MAGI2: variants seen among roughly 807,000 people sequenced by gnomAD.
MAGI2 encodes the protein membrane associated guanylate kinase, WW and PDZ domain containing 2.
In MAGI2, 35 loss-of-function variants were observed where a neutral mutation model predicts 133.3. The ratio of observed to expected loss-of-function variants is 0.26; its 90% CI spans 0.20 to 0.35. MAGI2 has a LOEUF of 0.35. MAGI2 is among the 10% of genes least tolerant of loss of function. MAGI2 has a pLI of 1.00. For missense variants in MAGI2, 1,636 were observed against 1,863.4 expected (o/e 0.88, Z 2.25); for synonymous variants, 729 against 710.6 (o/e 1.03, Z -0.41).
intron 13 of MAGI2, among the ~76,000 whole-genome samples, chr7:78,181,825 A>G (rs1023711143): frequency 1.3e-5 from 2 of 152,246 alleles, no homozygotes; most frequent in Non-Finnish European, 2.9e-5. Flanking sequence ...GCAGATTTCA[A>G]AAGTTGATTC....
Position 78,255,985 on chromosome 7 carries a change from A to G in MAGI2, c.2005T>C (p.Cys669Arg). Residue 669 changes from cysteine (C) to arginine (R), a missense_variant, in exon 10 of 22, where the codon TGT becomes CGT. By Grantham distance (180) the Cys-to-Arg change is radical (BLOSUM62 -3). Transcript: ENST00000354212. ...HTEVVDILKD[C>R]PIGSETSLII... ...AAAGAAGTTTCACTTCCAATGGGAC[A>G]GTCCTTAAGTATATCCACTACTTCT... 6.2e-7 allele frequency: 1 copy of G among 1,613,858 alleles called. No individual in the cohort carries two copies. The highest frequency in any genetic ancestry group is 8.5e-7 in the Non-Finnish European group (1 of 1,179,940).
At chr7:78,172,005 C>T (rs1440848130) in intron 14 of MAGI2, among the ~76,000 whole-genome samples, 1 of 152,146 alleles carries the variant, frequency 6.6e-6, no homozygotes, top group Non-Finnish European at 1.5e-5. Flanking sequence ...GTGGCCCTAT[C>T]TTTTCAATTG....
intron 1 of MAGI2, among the ~76,000 whole-genome samples, chr7:79,110,212 A>G (rs966809551): frequency 1.3e-5 from 2 of 152,060 alleles, no homozygotes; most frequent in African/African-American, 4.8e-5. Flanking sequence ...CCTCACAGAG[A>G]TATTCTACTA....
intron 6 of MAGI2, among the ~76,000 whole-genome samples, chr7:78,380,641 T>C (rs111423502): frequency 1.3e-5 from 2 of 152,006 alleles, no homozygotes; most frequent in African/African-American, 4.8e-5. Context: ...GGTACAAAAA[T>C]ATAGTTAGAT....
chr7:79,247,319 T>TA (rs1832896249), intron 1 of MAGI2, among the ~76,000 whole-genome samples: 1 of 152,052 alleles, frequency 6.6e-6, no homozygotes, highest in Non-Finnish European at 1.5e-5. Context: ...GATAAACTGA[T>TA]AAAAATAATA....
At chr7:78,579,074 GCCACAATCACATCCCATCTT>G (rs1802569616) in intron 3 of MAGI2, among the ~76,000 whole-genome samples, 1 of 152,112 alleles carries the variant, frequency 6.6e-6, no homozygotes, top group Non-Finnish European at 1.5e-5. Context: ...CTCAGGTACA[GCCACAATCACATCCCATCTT>G]CCTGCTAGAC....
At chr7:79,372,612 T>C (rs1441388037) in intron 1 of MAGI2, among the ~76,000 whole-genome samples, 1 of 152,098 alleles carries the variant, frequency 6.6e-6, no homozygotes, top group African/African-American at 2.4e-5. Context: ...TGAATAATTA[T>C]GGAAGGTGAT....
At chr7:79,451,721 T>C (rs948105088) in intron 1 of MAGI2, among the ~76,000 whole-genome samples, 1 of 152,214 alleles carries the variant, frequency 6.6e-6, no homozygotes, top group African/African-American at 2.4e-5. Context: ...TAGTTGATCA[T>C]GATTAAGCGG....
At chr7:78,167,129 C>T (rs917078965) in intron 15 of MAGI2, among the ~76,000 whole-genome samples, 1 of 152,106 alleles carries the variant, frequency 6.6e-6, no homozygotes, top group African/African-American at 2.4e-5. Context: ...CCCTGTGATT[C>T]ACAGAACAAA....
chr7:79,027,352 A>G (rs1384511214), intron 1 of MAGI2, among the ~76,000 whole-genome samples: 1 of 150,466 alleles, frequency 6.6e-6, no homozygotes, highest in African/African-American at 2.4e-5. Context: ...TATATATATT[A>G]AATACAATAC....
At chr7:78,596,180 A>G (rs1046819426) in intron 3 of MAGI2, among the ~76,000 whole-genome samples, 26 of 31,686 alleles carry the variant, frequency 8.2e-4, no homozygotes, top group East Asian at 2.7e-3. Flanking sequence ...GAAATGAAGG[A>G]AGGGAGGGAG....
chr7:79,446,876 C>A (rs189143354), intron 1 of MAGI2, among the ~76,000 whole-genome samples: 191 of 152,114 alleles, frequency 1.3e-3, no homozygotes, highest in Non-Finnish European at 2.4e-3. Flanking sequence ...GGCGTGAACC[C>A]GGGAGGCGGA....
chr7:78,618,689 TA>T (rs753727054), intron 3 of MAGI2: 20 of 152,004 alleles, frequency 1.3e-4, no homozygotes, highest in Non-Finnish European at 2.5e-4. Context: ...ATTCAGCCTT[TA>T]AAAAGCAGAA....
At chr7:78,700,113 C>T (rs551763554) in intron 2 of MAGI2, among the ~76,000 whole-genome samples, 6 of 152,174 alleles carry the variant, frequency 3.9e-5, no homozygotes, top group East Asian at 1.9e-4. Flanking sequence ...TTGTATGACC[C>T]GCCAAGCTAA....
intron 2 of MAGI2, among the ~76,000 whole-genome samples, chr7:78,788,763 T>G (rs1827040162): frequency 6.6e-6 from 1 of 152,238 alleles, no homozygotes; most frequent in Admixed American, 6.5e-5. Flanking sequence ...GTTTAAGTCC[T>G]ATTTCCTCTT....
At chr7:78,895,564 C>CT (rs1365217899) in intron 2 of MAGI2, among the ~76,000 whole-genome samples, 1 of 151,032 alleles carries the variant, frequency 6.6e-6, no homozygotes, top group East Asian at 1.9e-4. Flanking sequence ...GACAGCAGTG[C>CT]TATAAATTAA....
intron 1 of MAGI2, among the ~76,000 whole-genome samples, chr7:79,252,176 A>AAAG (rs200058141): frequency 6.5e-5 from 3 of 46,034 alleles, no homozygotes; most frequent in Admixed American, 2.7e-4. Flanking sequence ...AAAAAAAAAA[A>AAAG]AAGAAGAAGA....
At chr7:79,432,717 A>G (rs1485996604) in intron 1 of MAGI2, among the ~76,000 whole-genome samples, 1 of 152,216 alleles carries the variant, frequency 6.6e-6, no homozygotes, top group South Asian at 2.1e-4. Flanking sequence ...GAGCTGAATT[A>G]TAAGTGGTCA....
chr7:78,162,518 C>T (rs375787509), intron 15 of MAGI2, among the ~76,000 whole-genome samples: 1 of 137,134 alleles, frequency 7.3e-6, no homozygotes, highest in African/African-American at 2.8e-5. Flanking sequence ...GAGCGAGACT[C>T]TGCCTCAAAA....
Sources: allele counts gnomAD v4.1 joint callset (sites outside exome capture counted in the v4.1 genomes callset), GRCh38; gene constraint gnomAD v4.1.1; transcripts MANE v1.5; gene names NCBI Gene and HGNC (gene_info 2026-07-23, HGNC 2026-07-21).